HTR1F: variants seen among roughly 807,000 people sequenced by gnomAD.
HTR1F encodes 5-hydroxytryptamine (serotonin) receptor 1F, G protein-coupled.
In HTR1F, 17 loss-of-function variants were observed where a neutral mutation model predicts 24.0. The ratio of observed to expected loss-of-function variants is 0.71; its 90% CI spans 0.48 to 1.06. HTR1F has a LOEUF of 1.06. Among genes scored for constraint, HTR1F ranks in the 50% least tolerant of loss-of-function variants. HTR1F has a pLI of 0.00. For synonymous variants in HTR1F, 186 were observed against 156.8 expected, an observed-to-expected ratio of 1.19 and a Z score of -1.39; for missense variants, 391 against 427.8, an observed-to-expected ratio of 0.91 and a Z score of 0.76.
At chr3:87,841,900 CAAA>C (rs1463648976) in intron 2 of HTR1F, among the ~76,000 whole-genome samples, 3 of 57,480 alleles carry the variant, frequency 5.2e-5, no homozygotes, top group Non-Finnish European at 3.6e-5. Context: ...GATTCTGTCT[CAAA>C]AAAAAAAAAA....
At chr3:87,972,182 A>G (rs1195443075) in intron 2 of HTR1F, among the ~76,000 whole-genome samples, 2 of 152,234 alleles carry the variant, frequency 1.3e-5, no homozygotes, top group African/African-American at 4.8e-5. Flanking sequence ...GAGGGAAGAC[A>G]TATAATAAAT....
At chr3:87,821,971 A>G (rs1016932364) in intron 1 of HTR1F, among the ~76,000 whole-genome samples, 37 bp from the exon 2 acceptor site, 5 of 152,270 alleles carry the variant, frequency 3.3e-5, no homozygotes, top group African/African-American at 1.2e-4. Flanking sequence ...AGGAGAAGAG[A>G]CAAGAAATGA....
intron 2 of HTR1F, among the ~76,000 whole-genome samples, chr3:87,912,593 T>A (rs1353760064): frequency 9.4e-4 from 86 of 91,612 alleles, no homozygotes; most frequent in African/African-American, 2.5e-3. Context: ...GTATAAAGTT[T>A]AAAAAAAAAA....
chr3:87,970,242 G>A (rs1705257502), intron 2 of HTR1F, among the ~76,000 whole-genome samples: 1 of 152,132 alleles, frequency 6.6e-6, no homozygotes, highest in Admixed American at 6.6e-5. Context: ...AGATACAGGG[G>A]AACAGCTAGA....
intron 2 of HTR1F, among the ~76,000 whole-genome samples, chr3:87,902,110 TA>T (rs1706337325): frequency 6.6e-6 from 1 of 152,106 alleles, no homozygotes; most frequent in Non-Finnish European, 1.5e-5. Flanking sequence ...AATTTATATA[TA>T]ACATACTCTT....
At chr3:87,884,137 G>A (rs1348441861) in intron 2 of HTR1F, among the ~76,000 whole-genome samples, 18 of 152,168 alleles carry the variant, frequency 1.2e-4, no homozygotes, top group Non-Finnish European at 1.8e-4. Context: ...CAGACTAACA[G>A]TGGATCTCTT....
chr3:87,932,572 T>C (rs1158685229), intron 2 of HTR1F, among the ~76,000 whole-genome samples: 2 of 152,164 alleles, frequency 1.3e-5, no homozygotes, highest in African/African-American at 2.4e-5. Context: ...TTTTTTCCAA[T>C]TCTGTGAAGA....
intron 1 of HTR1F, among the ~76,000 whole-genome samples, chr3:87,820,175 ATTT>A (rs1370534998): frequency 1.5e-5 from 2 of 130,612 alleles, no homozygotes; most frequent in African/African-American, 2.9e-5. Flanking sequence ...ATCATGACCC[ATTT>A]TTTTTTTTTT....
intron 1 of HTR1F, among the ~76,000 whole-genome samples, chr3:87,813,305 A>G (rs1235202780): frequency 6.6e-6 from 1 of 152,190 alleles, no homozygotes; most frequent in Non-Finnish European, 1.5e-5. Flanking sequence ...TTAAGATTTA[A>G]TGACTGCCCT....
In HTR1F at chr3:87,993,051, A is replaced by G. The variant is rs1450751630; in HGVS notation, c.*1201A>G. The stretch of plus-strand genomic sequence containing the variant: ...AAAAGGATTTGAAAACAATAGAACC[A>G]TGAGTTTGAGAGGATTTTATTTTAT... On this transcript the variant is annotated 3_prime_UTR_variant, in exon 3 of 3. Transcript: ENST00000319595. 3 of 167,018 alleles carry G rather than the reference A, an allele frequency of 1.8e-5. No homozygotes were observed. The Admixed American group carries it at 2.0e-4, about 11-fold the overall frequency. 10.3% of individuals were successfully genotyped at this position (167,018 alleles called of 1,614,324 possible).
At chr3:87,875,777 A>T (rs1705656837) in intron 2 of HTR1F, among the ~76,000 whole-genome samples, 1 of 151,890 alleles carries the variant, frequency 6.6e-6, no homozygotes, top group South Asian at 2.1e-4. Flanking sequence ...ACAAAAAATT[A>T]GCTGGGCATG....
intron 2 of HTR1F, among the ~76,000 whole-genome samples, chr3:87,935,269 T>G (rs557000920): frequency 8.5e-5 from 13 of 152,286 alleles, no homozygotes; most frequent in African/African-American, 1.4e-4. Context: ...AGAGGGAGTG[T>G]GGGTAGCATG....
chr3:87,987,476 A>G (rs1705686744), intron 2 of HTR1F, among the ~76,000 whole-genome samples: 1 of 151,640 alleles, frequency 6.6e-6, no homozygotes, highest in South Asian at 2.1e-4. Context: ...CTGTGATCCA[A>G]TACTGATTTT....
chr3:87,991,630 C>T lies in HTR1F; in HGVS notation c.881C>T (p.Thr294Ile). Residue 294 changes from threonine (T) to isoleucine (I), a missense_variant, in exon 3 of 3, where the codon ACC becomes ATC. Thr to Ile is a moderately conservative substitution (Grantham distance 89, BLOSUM62 -1). Coordinates refer to ENST00000319595, the MANE Select transcript of HTR1F (RefSeq NM_001322209.2). ...SGTRERKAAT[T>I]LGLILGAFVI... ...ACAAGAGAACGGAAAGCAGCCACTA[C>T]CCTGGGATTAATCTTGGGTGCATTT... 2 of 1,613,762 alleles carry T rather than the reference C, an allele frequency of 1.2e-6. No homozygotes were observed.
chr3:87,989,521 A>G (rs769407232), intron 2 of HTR1F, among the ~76,000 whole-genome samples: 12 of 152,212 alleles, frequency 7.9e-5, no homozygotes, highest in Non-Finnish European at 1.8e-4. Flanking sequence ...CTAATTTCAT[A>G]CAATGATCAT....
At chr3:87,948,567 G>A (rs565698960) in intron 2 of HTR1F, among the ~76,000 whole-genome samples, 2 of 151,448 alleles carry the variant, frequency 1.3e-5, no homozygotes, top group South Asian at 4.2e-4. Context: ...CTGCAACCTT[G>A]ACCTCCTGGG....
intron 2 of HTR1F, among the ~76,000 whole-genome samples, chr3:87,921,298 A>G (rs1704007665): frequency 6.6e-6 from 1 of 152,034 alleles, no homozygotes; most frequent in African/African-American, 2.4e-5. Flanking sequence ...TGAGAAGTAG[A>G]TTATAATTTA....
intron 2 of HTR1F, among the ~76,000 whole-genome samples, chr3:87,977,610 G>A (rs35385648): frequency 1.3e-5 from 2 of 149,280 alleles, no homozygotes; most frequent in Middle Eastern, 6.9e-3. Context: ...TTTTAGTAGA[G>A]ACAAGGTTCA....
chr3:87,948,937 T>TA (rs1704773973), intron 2 of HTR1F, among the ~76,000 whole-genome samples: 1 of 152,250 alleles, frequency 6.6e-6, no homozygotes, highest in Admixed American at 6.5e-5. Flanking sequence ...TTGAATCTGT[T>TA]AAACACTAAA....
Sources: allele counts gnomAD v4.1 joint callset (sites outside exome capture counted in the v4.1 genomes callset), GRCh38; gene constraint gnomAD v4.1.1; transcripts MANE v1.5; gene names NCBI Gene and HGNC (gene_info 2026-07-23, HGNC 2026-07-21).